The following DGKB variants were observed in gnomAD, a reference collection of about 807,000 sequenced individuals.
DGKB encodes 90 kDa diacylglycerol kinase.
Under a neutral mutation model 114.3 loss-of-function variants are expected in DGKB, and 67 were observed. The ratio of observed to expected loss-of-function variants is 0.59; its 90% confidence interval spans 0.48 to 0.72. DGKB has a LOEUF of 0.72. DGKB is among the 30% of genes least tolerant of loss of function. The probability of loss-of-function intolerance (pLI) is 0.00; values close to 1 mark genes in which losing one functional copy is unlikely to be tolerated. For missense variants in DGKB, 907 were observed against 975.2 expected (o/e 0.93, Z 0.93); for synonymous variants, 398 against 323.1 (o/e 1.23, Z -2.49).
intron 1 of DGKB, among the ~76,000 whole-genome samples, chr7:14,916,415 T>C (rs1784241975): frequency 6.6e-6 from 1 of 151,824 alleles, no homozygotes; most frequent in South Asian, 2.1e-4. Context: ...AGAGGACATG[T>C]AAAAAAAGAT....
chr7:14,815,415 C>A (rs1843987358), intron 2 of DGKB, among the ~76,000 whole-genome samples: 1 of 152,200 alleles, frequency 6.6e-6, no homozygotes, highest in Non-Finnish European at 1.5e-5. Flanking sequence ...GTCTGGATAT[C>A]TTTTGGCAAA....
At chr7:14,646,348 A>G (rs62445646) in intron 13 of DGKB, among the ~76,000 whole-genome samples, 11,379 of 152,206 alleles carry the variant, frequency 0.075, 804 homozygotes, top group African/African-American at 0.19. Context: ...GTAAATAAAC[A>G]TATATATACA....
chr7:14,687,386 T>C lies in DGKB; in HGVS notation c.712-2024A>G, dbSNP rs551679015. The stretch of plus-strand genomic sequence containing the variant: ...GCTACGCAGGTGTCATACAGAAAAC[T>C]TCAGAAAACACAGGTGTTTTAATTT... On this transcript the variant is annotated intron_variant, in intron 9 of 25. Transcript: ENST00000402815. Among the ~76,000 whole-genome samples the C allele has an allele frequency of 3.9e-5, 6 of 152,268 alleles. No homozygotes were observed. The South Asian group carries it at 8.3e-4, about 21-fold the overall frequency.
At chr7:14,594,457 A>G (rs1802213949) in intron 17 of DGKB, among the ~76,000 whole-genome samples, 1 of 152,136 alleles carries the variant, frequency 6.6e-6, no homozygotes, top group Non-Finnish European at 1.5e-5. Context: ...GAAGGGAAAA[A>G]TACGATAAAG....
intron 21 of DGKB, among the ~76,000 whole-genome samples, chr7:14,469,713 A>ATTGCTC (rs1780992592): frequency 1.3e-5 from 2 of 152,068 alleles, no homozygotes; most frequent in African/African-American, 4.8e-5. Context: ...AGATCCAACA[A>ATTGCTC]AGTATTTAAG....
chr7:14,327,151 A>G (rs1035668335), intron 23 of DGKB, among the ~76,000 whole-genome samples: 3 of 152,148 alleles, frequency 2.0e-5, no homozygotes, highest in African/African-American at 7.2e-5. Flanking sequence ...TTCAGTATCT[A>G]CCATAAACAG....
intron 21 of DGKB, among the ~76,000 whole-genome samples, chr7:14,458,188 T>C (rs2128861645): frequency 6.6e-6 from 1 of 152,322 alleles, no homozygotes. Flanking sequence ...CACCTGAATA[T>C]TTATGTGAGG....
At chr7:14,519,790 T>C (rs1789446340) in intron 20 of DGKB, among the ~76,000 whole-genome samples, 1 of 151,996 alleles carries the variant, frequency 6.6e-6, no homozygotes, top group Non-Finnish European at 1.5e-5. Flanking sequence ...AATTTGCATT[T>C]CTTTAATTAT....
chr7:14,401,411 A>G (rs1823075453), intron 21 of DGKB, among the ~76,000 whole-genome samples: 1 of 151,974 alleles, frequency 6.6e-6, no homozygotes. Flanking sequence ...GAAACATGTT[A>G]TGATGTTAAG....
At chr7:14,320,523 A>G (rs1306806414) in intron 23 of DGKB, among the ~76,000 whole-genome samples, 2 of 151,898 alleles carry the variant, frequency 1.3e-5, no homozygotes, top group Non-Finnish European at 2.9e-5. Context: ...ACATATATAT[A>G]TGTACCGCAT....
intron 21 of DGKB, among the ~76,000 whole-genome samples, chr7:14,383,323 G>A (rs1021533955): frequency 6.6e-6 from 1 of 152,140 alleles, no homozygotes; most frequent in East Asian, 1.9e-4. Flanking sequence ...ATGTTTCCTA[G>A]ATAAACTTGA....
At chr7:14,261,386 A>C (rs1286271549) in intron 23 of DGKB, among the ~76,000 whole-genome samples, 1 of 152,164 alleles carries the variant, frequency 6.6e-6, no homozygotes, top group Admixed American at 6.5e-5. Flanking sequence ...AGAAATACCT[A>C]AGTGTTGGCA....
At chr7:14,702,327 G>A (rs983676402) in intron 6 of DGKB, among the ~76,000 whole-genome samples, 2 of 152,106 alleles carry the variant, frequency 1.3e-5, no homozygotes, top group African/African-American at 4.8e-5. Flanking sequence ...GGCGAGGAAG[G>A]CGGAGTGCAA....
chr7:14,377,233 G>A (rs1271333770), intron 21 of DGKB, among the ~76,000 whole-genome samples: 1 of 152,156 alleles, frequency 6.6e-6, no homozygotes, highest in Non-Finnish European at 1.5e-5. Flanking sequence ...CAAAAATAGG[G>A]CTGAGCAGCC....
intron 2 of DGKB, among the ~76,000 whole-genome samples, chr7:14,825,016 G>GTATA (rs67135250): frequency 0.052 from 4,763 of 91,668 alleles, 193 homozygotes; most frequent in Non-Finnish European, 0.077. Flanking sequence ...GTATGTGTAT[G>GTATA]TATATATATA....
chr7:14,751,428 T>C (rs547063513), intron 4 of DGKB, among the ~76,000 whole-genome samples: 47 of 152,322 alleles, frequency 3.1e-4, no homozygotes, highest in African/African-American at 1.1e-3. Context: ...ATTTCAAAAC[T>C]TGTTTGTAAA....
At chr7:14,808,775 C>A (rs1843061194) in intron 2 of DGKB, among the ~76,000 whole-genome samples, 1 of 152,070 alleles carries the variant, frequency 6.6e-6, no homozygotes, top group South Asian at 2.1e-4. Context: ...GTGGAATGAA[C>A]ACACTAGGGT....
At chr7:14,824,388 G>A (rs1446836458) in intron 2 of DGKB, among the ~76,000 whole-genome samples, 1 of 152,044 alleles carries the variant, frequency 6.6e-6, no homozygotes, top group Non-Finnish European at 1.5e-5. Context: ...AATTGGGTAA[G>A]GACCTAGAAC....
intron 21 of DGKB, among the ~76,000 whole-genome samples, chr7:14,359,756 C>A (rs897984141): frequency 1.3e-5 from 2 of 152,012 alleles, no homozygotes; most frequent in African/African-American, 4.8e-5. Context: ...AAATCAAAAC[C>A]ACAATGAGAT....
Sources: gnomAD v4.1 joint callset for allele counts (sites outside exome capture counted in the v4.1 genomes callset) on GRCh38, gnomAD v4.1.1 for gene constraint, MANE v1.5 for transcripts, NCBI Gene and HGNC (gene_info 2026-07-23, HGNC 2026-07-21) for gene names.